Variants in ASIC2 observed in about 807,000 individuals in gnomAD.
ASIC2 encodes acid-sensing ion channel 2.
A neutral mutation model predicts 57.3 loss-of-function variants in ASIC2; 25 were observed. The observed-to-expected ratio is 0.44, with a 90% confidence interval of 0.32 to 0.61. The LOEUF (loss-of-function observed/expected upper bound fraction) is 0.61. Ranked by LOEUF, ASIC2 falls within the 20% of genes least tolerant of loss-of-function variation. ASIC2 has a pLI of 0.06. For synonymous variants in ASIC2, 319 were observed against 307.5 expected (o/e 1.04, Z -0.39); for missense variants, 641 against 738.1 (o/e 0.87, Z 1.52).
chr17:34,070,123 GC>G (rs1178133423), intron 1 of ASIC2: 1 of 152,068 alleles, frequency 6.6e-6, no homozygotes, highest in African/African-American at 2.4e-5. Flanking sequence ...AGTTCGCAAA[GC>G]AATCTCCACT....
chr17:33,754,989 C>T (rs1295841766), intron 1 of ASIC2, among the ~76,000 whole-genome samples: 3 of 144,156 alleles, frequency 2.1e-5, no homozygotes, highest in Non-Finnish European at 4.7e-5. Flanking sequence ...AGAACAGTTC[C>T]CTATAGACAG....
At chr17:34,008,307 A>G (rs1906597153) in intron 1 of ASIC2, among the ~76,000 whole-genome samples, 1 of 152,200 alleles carries the variant, frequency 6.6e-6, no homozygotes, top group Non-Finnish European at 1.5e-5. Context: ...ACAGTAAGCC[A>G]AGCCATGAAT....
intron 1 of ASIC2, among the ~76,000 whole-genome samples, chr17:33,821,500 T>A (rs1398768499): frequency 6.6e-6 from 1 of 152,144 alleles, no homozygotes; most frequent in East Asian, 1.9e-4. Flanking sequence ...GAAAGCCCTG[T>A]TGAGGCCCTA....
intron 1 of ASIC2, among the ~76,000 whole-genome samples, chr17:33,148,394 AT>A (rs1222981890): frequency 1.3e-5 from 2 of 152,214 alleles, no homozygotes; most frequent in Non-Finnish European, 2.9e-5. Flanking sequence ...CCAACTTCAC[AT>A]TTAAGGTTTG....
chr17:33,098,852 T>A (rs2092196366), intron 2 of ASIC2, among the ~76,000 whole-genome samples: 1 of 152,000 alleles, frequency 6.6e-6, no homozygotes, highest in African/African-American at 2.4e-5. Context: ...TACTACTTCT[T>A]AGCCATGAGG....
chr17:33,445,096 C>T (rs898168697), intron 1 of ASIC2, among the ~76,000 whole-genome samples: 1 of 152,024 alleles, frequency 6.6e-6, no homozygotes, highest in Non-Finnish European at 1.5e-5. Flanking sequence ...CTACAGTAGC[C>T]AAACCTCCTA....
chr17:33,898,220 C>CTTT (rs771624171), intron 1 of ASIC2, among the ~76,000 whole-genome samples: 4,525 of 65,970 alleles, frequency 0.069, 1,358 homozygotes, highest in Middle Eastern at 0.1. Flanking sequence ...CATGTATAAT[C>CTTT]TTTTTTTTTT....
chr17:33,480,114 C>T (rs1913355741), intron 1 of ASIC2, among the ~76,000 whole-genome samples: 1 of 152,184 alleles, frequency 6.6e-6, no homozygotes, highest in Non-Finnish European at 1.5e-5. Flanking sequence ...ATGCCATCTT[C>T]CCATTCCATT....
At position 33,191,121 on chromosome 17, in the gene ASIC2, C is replaced by T. The variant is rs145383558; in HGVS notation, c.709-79054G>A. 2.1e-3 allele frequency among the ~76,000 whole-genome samples: 313 copies of T among 152,228 alleles called. 1 individual carries two copies. Among genetic ancestry groups the T allele is most frequent in the African/African-American group, 6.9e-3 (287 of 41,540 alleles). ...AGATTTTTTTAAAATGGTATACCTA[C>T]ACAATAGAAATATGTCTCAGCAATA... is the stretch of plus-strand genomic sequence containing the variant. On this transcript the variant is annotated intron_variant, in intron 1 of 9. Transcript: ENST00000225823.
At chr17:33,407,798 C>T (rs1567851124) in intron 1 of ASIC2, among the ~76,000 whole-genome samples, 1 of 152,172 alleles carries the variant, frequency 6.6e-6, no homozygotes, top group Non-Finnish European at 1.5e-5. Flanking sequence ...TTCTGGGAAC[C>T]AGGTTGGGAT....
At chr17:34,101,586 A>AT (rs1204486012) in intron 1 of ASIC2, among the ~76,000 whole-genome samples, 12 of 152,184 alleles carry the variant, frequency 7.9e-5, no homozygotes, top group African/African-American at 2.9e-4. Flanking sequence ...AAAGATTTTA[A>AT]AGGCCTGTGA....
At chr17:34,043,279 A>G (rs938132043) in intron 1 of ASIC2, among the ~76,000 whole-genome samples, 1 of 152,154 alleles carries the variant, frequency 6.6e-6, no homozygotes, top group East Asian at 1.9e-4. Context: ...CTATTTTTCT[A>G]TATGTATGCT....
At chr17:34,133,180 A>T (rs1270013898) in intron 1 of ASIC2, among the ~76,000 whole-genome samples, 1 of 152,252 alleles carries the variant, frequency 6.6e-6, no homozygotes, top group Non-Finnish European at 1.5e-5. Context: ...ATATAAATAC[A>T]TATGATTGAT....
At chr17:33,359,336 T>G (rs1426280508) in intron 1 of ASIC2, among the ~76,000 whole-genome samples, 2 of 152,240 alleles carry the variant, frequency 1.3e-5, no homozygotes, top group African/African-American at 4.8e-5. Flanking sequence ...GGGTATGGTC[T>G]AGCTTTTAGG....
chr17:33,636,157 A>G (rs930837575), intron 1 of ASIC2, among the ~76,000 whole-genome samples: 1 of 152,246 alleles, frequency 6.6e-6, no homozygotes, highest in South Asian at 2.1e-4. Flanking sequence ...GCATATATAC[A>G]TATTAATACA....
chr17:33,911,780 A>G (rs1450830281), intron 1 of ASIC2, among the ~76,000 whole-genome samples: 3 of 152,160 alleles, frequency 2.0e-5, no homozygotes, highest in Non-Finnish European at 4.4e-5. Context: ...TAACATTCAT[A>G]CTTATGGATT....
At chr17:33,555,819 C>T (rs1307106936) in intron 1 of ASIC2, among the ~76,000 whole-genome samples, 4 of 151,992 alleles carry the variant, frequency 2.6e-5, no homozygotes, top group Middle Eastern at 3.2e-3. Context: ...GGGTTTGAGC[C>T]GGTTTAAGTA....
At chr17:33,380,921 A>C (rs1909465782) in intron 1 of ASIC2, among the ~76,000 whole-genome samples, 1 of 152,150 alleles carries the variant, frequency 6.6e-6, no homozygotes, top group Non-Finnish European at 1.5e-5. Context: ...TACACTCCTT[A>C]CTGTGCACCC....
At chr17:33,475,426 AT>A (rs1226318050) in intron 1 of ASIC2, among the ~76,000 whole-genome samples, 1 of 152,214 alleles carries the variant, frequency 6.6e-6, no homozygotes, top group Non-Finnish European at 1.5e-5. Flanking sequence ...TTTCCTAGAT[AT>A]CACTGCTTTA....
Sources: allele counts gnomAD v4.1 joint callset (sites outside exome capture counted in the v4.1 genomes callset), GRCh38; gene constraint gnomAD v4.1.1; transcripts MANE v1.5; gene names NCBI Gene and HGNC (gene_info 2026-07-23, HGNC 2026-07-21).